NFATC2: variants seen among roughly 807,000 people sequenced by gnomAD.
The protein encoded by NFATC2 is nuclear factor of activated T-cells, cytoplasmic 2.
Under a neutral mutation model 87.3 loss-of-function variants are expected in NFATC2, and 22 were observed. That is an observed-to-expected ratio of 0.25 (90% CI 0.18 to 0.36). The LOEUF is 0.36. Among genes scored for constraint, NFATC2 ranks in the 10% least tolerant of loss-of-function variants. NFATC2 has a pLI of 1.00. For missense variants in NFATC2, 1,149 were observed against 1,259.1 expected (o/e 0.91, Z 1.32); for synonymous variants, 565 against 542.2 (o/e 1.04, Z -0.58).
chr20:51,538,371 T>C (rs1258528895), intron 1 of NFATC2, among the ~76,000 whole-genome samples: 1 of 152,188 alleles, frequency 6.6e-6, no homozygotes, highest in Non-Finnish European at 1.5e-5. Context: ...AACTCCCATT[T>C]GTAATAAAAA....
intron 5 of NFATC2, among the ~76,000 whole-genome samples, chr20:51,464,831 G>A (rs1415460788): frequency 1.3e-5 from 2 of 152,260 alleles, no homozygotes; most frequent in African/African-American, 4.8e-5. Context: ...TCAGTGGGAT[G>A]CAATGTTACC....
At chr20:51,534,785 G>A (rs781367747) in intron 1 of NFATC2, among the ~76,000 whole-genome samples, 3 of 151,962 alleles carry the variant, frequency 2.0e-5, no homozygotes, top group Admixed American at 6.6e-5. Flanking sequence ...AGACACCCTC[G>A]CCCAGGAAGA....
rs144734022 is a variant in NFATC2, at chr20:51,515,833, C to T, written c.1332+951G>A. On this transcript the variant is annotated intron_variant, in intron 3 of 10. Coordinates refer to ENST00000371564, the MANE Select transcript of NFATC2 (RefSeq NM_012340.5). ...TTTGTTTGTTTACCTGGGCTTTACTCATGTTATATAGTTTCTAATTTAGTT... is the reference window on the plus strand; with the variant it reads ...TTTGTTTGTTTACCTGGGCTTTACTTATGTTATATAGTTTCTAATTTAGTT... 4.7e-3 allele frequency among the ~76,000 whole-genome samples: 720 copies of T among 152,210 alleles called. 12 individuals are homozygous for T. The highest frequency in any genetic ancestry group is 0.016 in the African/African-American group (667 of 41,528).
At chr20:51,529,204 C>T (rs1183021498) in intron 1 of NFATC2, among the ~76,000 whole-genome samples, 1 of 152,182 alleles carries the variant, frequency 6.6e-6, no homozygotes, top group African/African-American at 2.4e-5. Context: ...ATCAGAAACA[C>T]ACCCTTGGGG....
intron 3 of NFATC2, among the ~76,000 whole-genome samples, chr20:51,503,622 C>A (rs1343220204): frequency 2.6e-5 from 4 of 152,212 alleles, no homozygotes; most frequent in Admixed American, 2.0e-4. Context: ...TGGGTCAGGC[C>A]ACTCACAGGA....
At position 51,488,870 on chromosome 20, in the gene NFATC2, C is replaced by A. The variant is rs187691227; in HGVS notation, c.1333-13210G>T. Among the ~76,000 whole-genome samples the A allele has an allele frequency of 2.1e-3, 315 of 152,238 alleles. 3 individuals carry two copies. The highest frequency in any genetic ancestry group is 2.5e-3 in the East Asian group (13 of 5,174). On this transcript the variant is annotated intron_variant, in intron 3 of 10. Coordinates refer to ENST00000371564, the MANE Select transcript of NFATC2 (RefSeq NM_012340.5). Reference sequence around the variant, plus strand: ...TCCTATCACTTCCCTACTTAAAATCCCCCCATGGCTTCCCAGTGCATAAAG... The same window carrying A: ...TCCTATCACTTCCCTACTTAAAATCACCCCATGGCTTCCCAGTGCATAAAG...
chr20:51,426,356 T>C (rs1195603747), intron 9 of NFATC2, among the ~76,000 whole-genome samples: 1 of 152,046 alleles, frequency 6.6e-6, no homozygotes, highest in Non-Finnish European at 1.5e-5. Flanking sequence ...CAGGCACCTG[T>C]AGTCCCAGCT....
At chr20:51,473,236 T>C (rs1427232686) in intron 5 of NFATC2, among the ~76,000 whole-genome samples, 1 of 152,146 alleles carries the variant, frequency 6.6e-6, no homozygotes, top group African/African-American at 2.4e-5. Flanking sequence ...CGTAAGCTCA[T>C]TAAGGCCAGA....
intron 2 of NFATC2, among the ~76,000 whole-genome samples, 158 bp downstream of exon 2, chr20:51,522,923 C>T (rs892183043): frequency 6.6e-5 from 10 of 152,240 alleles, no homozygotes; most frequent in Non-Finnish European, 1.3e-4. Context: ...GGGAATTTAA[C>T]TTCCGTCTCA....
intron 3 of NFATC2, among the ~76,000 whole-genome samples, chr20:51,506,895 G>A (rs2076192076): frequency 6.6e-6 from 1 of 152,206 alleles, no homozygotes; most frequent in Non-Finnish European, 1.5e-5. Flanking sequence ...TCCCTCAGTG[G>A]CGAGGGCGGA....
In NFATC2 at chr20:51,390,904, G is replaced by A. The variant is rs895812811; in HGVS notation, c.*592C>T. 4 of 215,632 alleles carry A rather than the reference G, an allele frequency of 1.9e-5. No individual in the cohort carries two copies. The highest frequency in any genetic ancestry group is 1.5e-4 in the Admixed American group (3 of 19,538). The allele number at this position is 215,632 out of a possible 1,614,324, so 13.4% of individuals were successfully genotyped here. A position where few individuals can be genotyped will look rare whatever the true frequency, so the allele number is the denominator to read the frequency against. ...CTATCGAGGGTTTTGGGTTTCTTCA[G>A]CCTGTAAGCTGGGCTCTTGGGTCAC... On this transcript the variant is annotated 3_prime_UTR_variant, in exon 11 of 11. Coordinates refer to ENST00000371564, the MANE Select transcript of NFATC2 (RefSeq NM_012340.5).
chr20:51,561,201 G>T (rs537270514), intron 1 of NFATC2, among the ~76,000 whole-genome samples: 74 of 151,942 alleles, frequency 4.9e-4, no homozygotes, highest in South Asian at 1.0e-3. Context: ...CCGTTAAAAC[G>T]TTCGAAGTCC....
intron 3 of NFATC2, among the ~76,000 whole-genome samples, chr20:51,515,167 G>T (rs1720057754): frequency 6.6e-6 from 1 of 152,198 alleles, no homozygotes; most frequent in Non-Finnish European, 1.5e-5. Context: ...GCTGCTGGGG[G>T]AAACCCTCAA....
intron 1 of NFATC2, among the ~76,000 whole-genome samples, chr20:51,558,489 G>A (rs912473418): frequency 3.9e-5 from 6 of 151,932 alleles, no homozygotes; most frequent in Admixed American, 1.3e-4. Context: ...TTTTTTGGGG[G>A]GGGGCGAGGT....
chr20:51,539,426 C>T (rs2076770502), intron 1 of NFATC2, among the ~76,000 whole-genome samples: 1 of 152,174 alleles, frequency 6.6e-6, no homozygotes, highest in South Asian at 2.1e-4. Flanking sequence ...GAGCCAGATG[C>T]ACATCTGGGG....
At chr20:51,485,257 G>A (rs1989608446) in intron 3 of NFATC2, among the ~76,000 whole-genome samples, 1 of 152,146 alleles carries the variant, frequency 6.6e-6, no homozygotes, top group Admixed American at 6.5e-5. Flanking sequence ...CTCTACTCAT[G>A]GTCCCCCATG....
chr20:51,530,965 T>C (rs369473601), intron 1 of NFATC2, among the ~76,000 whole-genome samples: 1 of 152,218 alleles, frequency 6.6e-6, no homozygotes, highest in Non-Finnish European at 1.5e-5. Context: ...ATAATTATTA[T>C]GAAGATGATT....
intron 1 of NFATC2, among the ~76,000 whole-genome samples, chr20:51,538,585 A>G (rs6021275): frequency 0.43 from 65,420 of 152,030 alleles, 14,223 homozygotes; most frequent in Non-Finnish European, 0.46. Context: ...CTCAGAGAGG[A>G]CAGGATCTGG....
intron 1 of NFATC2, among the ~76,000 whole-genome samples, chr20:51,532,562 T>C (rs1201398850): frequency 1.3e-5 from 2 of 152,116 alleles, no homozygotes; most frequent in East Asian, 3.9e-4. Context: ...ATTTTAAAAA[T>C]CCACTCAGGC....
Sources: gnomAD v4.1 joint callset for allele counts (sites outside exome capture counted in the v4.1 genomes callset) on GRCh38, gnomAD v4.1.1 for gene constraint, MANE v1.5 for transcripts, NCBI Gene and HGNC (gene_info 2026-07-23, HGNC 2026-07-21) for gene names.